Variants in CCSER1 observed in about 807,000 individuals in gnomAD.
CCSER1 encodes the protein serine-rich coiled-coil domain-containing protein 1.
In CCSER1, 41 loss-of-function variants were observed where a neutral mutation model predicts 82.0. The observed-to-expected ratio is 0.50, with a 90% CI of 0.39 to 0.65. CCSER1 has a LOEUF of 0.65. Among genes scored for constraint, CCSER1 ranks in the 30% least tolerant of loss-of-function variants. The pLI, the probability that CCSER1 is intolerant of heterozygous loss-of-function variation, is 0.00. For synonymous variants in CCSER1, 414 were observed against 383.9 expected (o/e 1.08, Z -0.92); for missense variants, 1,119 against 1,064.2 (o/e 1.05, Z -0.72).
At position 90,913,833 on chromosome 4, in the gene CCSER1, G is replaced by A. The variant is rs548742599; in HGVS notation, c.2095-9537G>A. 3.3e-4 allele frequency among the ~76,000 whole-genome samples: 50 copies of A among 152,160 alleles called. No homozygotes were observed. The East Asian group carries it at 9.5e-3, about 29-fold the overall frequency. On this transcript the variant is annotated intron_variant, in intron 8 of 10. Transcript: ENST00000509176. ...AAATGGAAAACAAAAAAAAAGGCAA[G>A]GGTTGCAATCCTAGTCTCTGATAAA...
chr4:90,906,879 A>G (rs1725560497), intron 8 of CCSER1, among the ~76,000 whole-genome samples: 1 of 152,224 alleles, frequency 6.6e-6, no homozygotes, highest in Non-Finnish European at 1.5e-5. Flanking sequence ...AATCTTCGCA[A>G]TGCCTATATT....
rs554581077 is a variant in CCSER1 at position 91,273,739 on chromosome 4, T to C, written c.2217+187745T>C. 2.0e-5 allele frequency among the ~76,000 whole-genome samples: 3 copies of C among 152,300 alleles called. No homozygotes were observed. The South Asian group carries it at 6.2e-4, about 32-fold the overall frequency. On this transcript the variant is annotated intron_variant, in intron 10 of 10. Coordinates refer to ENST00000509176, the MANE Select transcript of CCSER1 (RefSeq NM_001145065.2). ...TATTCAGTATTATGTTGGCTGTGGGTTTGTCATAGATGGCTTTTATTACAC... is the reference window on the plus strand; with the variant it reads ...TATTCAGTATTATGTTGGCTGTGGGCTTGTCATAGATGGCTTTTATTACAC...
chr4:90,773,855 T>C (rs894349708), intron 7 of CCSER1, among the ~76,000 whole-genome samples: 1 of 152,140 alleles, frequency 6.6e-6, no homozygotes, highest in Non-Finnish European at 1.5e-5. Flanking sequence ...ATTTAAATAT[T>C]GAAAGAACAT....
chr4:91,509,189 T>C (rs1581217), intron 10 of CCSER1, among the ~76,000 whole-genome samples: 91,191 of 151,214 alleles, frequency 0.6, 28,000 homozygotes, highest in Middle Eastern at 0.68. Flanking sequence ...TTGTTATGTA[T>C]TGATGCAAAT....
At chr4:90,834,135 G>T (rs1184294122) in intron 8 of CCSER1, among the ~76,000 whole-genome samples, 1 of 152,136 alleles carries the variant, frequency 6.6e-6, no homozygotes, top group Non-Finnish European at 1.5e-5. Flanking sequence ...ATGAATTTTT[G>T]TGTATTTTTA....
chr4:91,557,549 TAGAAC>T (rs1252538123), intron 10 of CCSER1, among the ~76,000 whole-genome samples: 5 of 151,362 alleles, frequency 3.3e-5, no homozygotes, highest in Admixed American at 6.6e-5. Flanking sequence ...TGATAACAAT[TAGAAC>T]AGAGTAATAT....
intron 1 of CCSER1, among the ~76,000 whole-genome samples, chr4:90,265,736 G>C (rs1032256840): frequency 6.6e-6 from 1 of 151,988 alleles, no homozygotes; most frequent in Non-Finnish European, 1.5e-5. Flanking sequence ...ATGATCTTAA[G>C]GATAAGAACC....
intron 4 of CCSER1, among the ~76,000 whole-genome samples, chr4:90,434,697 C>T (rs1451167644): frequency 2.6e-5 from 4 of 151,970 alleles, no homozygotes; most frequent in Non-Finnish European, 5.9e-5. Context: ...GGGAGATGAG[C>T]CTGTGAAGCT....
intron 4 of CCSER1, among the ~76,000 whole-genome samples, chr4:90,404,796 A>G (rs1753467565): frequency 6.6e-6 from 1 of 152,180 alleles, no homozygotes; most frequent in East Asian, 1.9e-4. Context: ...AGGAAGTCCC[A>G]TTCCTAGGGG....
chr4:90,460,272 T>C (rs1211783976), intron 4 of CCSER1, among the ~76,000 whole-genome samples: 3 of 121,762 alleles, frequency 2.5e-5, no homozygotes, highest in Admixed American at 9.3e-5. Context: ...TTGCAGTGAG[T>C]CGAGATCGCG....
chr4:90,630,804 TA>T (rs1162703974), intron 6 of CCSER1, among the ~76,000 whole-genome samples: 2 of 151,250 alleles, frequency 1.3e-5, no homozygotes, highest in African/African-American at 4.8e-5. Context: ...TATTTTAATA[TA>T]AAAAATTCAT....
intron 10 of CCSER1, among the ~76,000 whole-genome samples, chr4:91,087,722 G>C (rs7697891): frequency 0.68 from 103,546 of 151,908 alleles, 36,189 homozygotes; most frequent in African/African-American, 0.84. Context: ...AATGTCTTCT[G>C]CACTTGACAT....
At chr4:90,665,223 T>G (rs942671030) in intron 6 of CCSER1, among the ~76,000 whole-genome samples, 1 of 152,114 alleles carries the variant, frequency 6.6e-6, no homozygotes, top group Non-Finnish European at 1.5e-5. Context: ...AACAAATACT[T>G]ATAAGTGTTG....
chr4:90,572,197 T>C (rs1488813392), intron 5 of CCSER1, among the ~76,000 whole-genome samples: 14 of 152,206 alleles, frequency 9.2e-5, no homozygotes, highest in Non-Finnish European at 1.8e-4. Flanking sequence ...TCTTGGCTTG[T>C]AAGGTTTCAG....
intron 3 of CCSER1, among the ~76,000 whole-genome samples, chr4:90,368,484 A>G (rs1746691776): frequency 6.6e-6 from 1 of 151,698 alleles, no homozygotes; most frequent in African/African-American, 2.4e-5. Context: ...AAAGAAAAAA[A>G]TACCTGGGCA....
chr4:90,919,943 A>G (rs1005588754), intron 8 of CCSER1, among the ~76,000 whole-genome samples: 2 of 151,906 alleles, frequency 1.3e-5, no homozygotes, highest in Non-Finnish European at 2.9e-5. Context: ...GTATTTTGTC[A>G]TTGCTTGGAA....
intron 7 of CCSER1, among the ~76,000 whole-genome samples, chr4:90,725,464 TTGTCTTTTGATGGCCAACATAGTTATAG>T (rs1490048424): frequency 6.6e-6 from 1 of 151,526 alleles, no homozygotes; most frequent in Non-Finnish European, 1.5e-5. Context: ...ATATTTAGTA[TTGTCTTTTGATGGCCAACATAGTTATAG>T]TGACTTTTAA....
intron 1 of CCSER1, among the ~76,000 whole-genome samples, chr4:90,165,363 T>C (rs1203639169): frequency 6.6e-6 from 1 of 152,096 alleles, no homozygotes; most frequent in Non-Finnish European, 1.5e-5. Context: ...GTGATGAGCA[T>C]ACCCAAAATG....
chr4:90,731,206 A>G (rs927952476), intron 7 of CCSER1, among the ~76,000 whole-genome samples: 6 of 152,200 alleles, frequency 3.9e-5, no homozygotes, highest in Non-Finnish European at 7.4e-5. Context: ...AAAATCAAAG[A>G]TAGTTTCTGA....
Sources: allele counts gnomAD v4.1 joint callset (sites outside exome capture counted in the v4.1 genomes callset), GRCh38; gene constraint gnomAD v4.1.1; transcripts MANE v1.5; gene names NCBI Gene and HGNC (gene_info 2026-07-23, HGNC 2026-07-21).